CCDC57: variants seen among roughly 807,000 people sequenced by gnomAD.
CCDC57 encodes the protein coiled-coil domain-containing protein 57.
Under a neutral mutation model 118.9 loss-of-function variants are expected in CCDC57, and 118 were observed. The ratio of observed to expected loss-of-function variants is 0.99; its 90% CI spans 0.86 to 1.16. CCDC57 has a LOEUF of 1.16. CCDC57 is among the 50% of genes most tolerant of loss of function. The pLI, the probability that CCDC57 is intolerant of heterozygous loss-of-function variation, is 0.00. For synonymous variants in CCDC57, 527 were observed against 532.9 expected (o/e 0.99, Z 0.15); for missense variants, 1,300 against 1,320.7 (o/e 0.98, Z 0.24).
intron 19 of CCDC57, among the ~76,000 whole-genome samples, chr17:82,102,294 T>C (rs967140310): frequency 2.0e-5 from 3 of 152,158 alleles, no homozygotes; most frequent in African/African-American, 4.8e-5. Context: ...TGAGACACAT[T>C]GCCTGCCCCC....
chr17:82,127,581 T>C (rs2037659426), intron 19 of CCDC57, 111 bp downstream of exon 18: 1 of 1,460,246 alleles, frequency 6.8e-7, no homozygotes, highest in Non-Finnish European at 9.0e-7. Context: ...AGTGCAGGGA[T>C]TTCAGGGTGC....
rs759711817 is a variant in CCDC57 at position 82,184,027 on chromosome 17, G to GCACACACACACA, written c.1053-96_1053-95insTGTGTGTGTGTG. ...CCAGCAAATACACATGCGCGCGCGC[G>GCACACACACACA]CGCGCACACACACACACACACACAC... is the stretch of plus-strand genomic sequence containing the variant. On this transcript the variant is annotated intron_variant, in intron 8 of 19. Coordinates refer to ENST00000665763, the Ensembl canonical transcript of CCDC57. The GCACACACACACA allele has an allele frequency of 1.5e-3, 504 of 328,274 alleles. 2 individuals are homozygous for GCACACACACACA. The highest frequency in any genetic ancestry group is 3.7e-3 in the East Asian group (54 of 14,596). 20.3% of individuals were successfully genotyped at this position (328,274 alleles called of 1,614,324 possible).
intron 2 of CCDC57, among the ~76,000 whole-genome samples, chr17:82,202,672 C>T (rs1439522449): frequency 6.6e-6 from 1 of 152,084 alleles, no homozygotes; most frequent in Non-Finnish European, 1.5e-5. Context: ...ATCACTTGAA[C>T]CCAGGAAGTG....
At chr17:82,173,201 G>A (rs1411938664) in intron 11 of CCDC57, among the ~76,000 whole-genome samples, 1 of 152,182 alleles carries the variant, frequency 6.6e-6, no homozygotes, top group Non-Finnish European at 1.5e-5. Context: ...GAATGTTCTG[G>A]AGAGGGTGGT....
chr17:82,194,246 G>T, intron 5 of CCDC57, 107 bp from the exon 5 acceptor site: 2 of 1,142,186 alleles, frequency 1.8e-6, no homozygotes, highest in South Asian at 1.5e-5. Flanking sequence ...GAAGAAAAAT[G>T]AAAATTCAAG....
At chr17:82,189,367 C>T (rs11077981) in intron 7 of CCDC57, among the ~76,000 whole-genome samples, 72,356 of 151,894 alleles carry the variant, frequency 0.48, 18,014 homozygotes, top group East Asian at 0.88. Flanking sequence ...TTCTACTAAG[C>T]AGAGTGCTAT....
rs1337150872 is a variant in CCDC57 at position 82,192,011 on chromosome 17, A to T, written c.851+1745T>A. On this transcript the variant is annotated intron_variant, in intron 7 of 19. Transcript: ENST00000665763. This position sits in a 1 kb window ranked among gnomAD's most constrained non-coding sequence, Gnocchi z 4.0. Reference sequence around the variant, plus strand: ...ACTTTTTTTTTTTTTTTTGAAACAGAGTCTCACTCTGTCACCCAGGCTGGA... The same window carrying T: ...ACTTTTTTTTTTTTTTTTGAAACAGTGTCTCACTCTGTCACCCAGGCTGGA... 6.8e-6 allele frequency among the ~76,000 whole-genome samples: 1 copy of T among 146,524 alleles called. No individual in the cohort carries two copies. Among genetic ancestry groups the T allele is most frequent in the Non-Finnish European group, 1.5e-5 (1 of 66,962 alleles).
At chr17:82,140,773 C>T (rs569032508) in intron 16 of CCDC57, among the ~76,000 whole-genome samples, 10 of 152,262 alleles carry the variant, frequency 6.6e-5, no homozygotes, top group African/African-American at 9.6e-5. Flanking sequence ...CCCACATCCA[C>T]GAAGCCCTCC....
chr17:82,159,995 C>T (rs1214035359), intron 14 of CCDC57: 1 of 145,086 alleles, frequency 6.9e-6, no homozygotes, highest in African/African-American at 2.5e-5. Flanking sequence ...ATCAATCCAT[C>T]AAACATCTTA....
intron 1 of CCDC57, among the ~76,000 whole-genome samples, chr17:82,211,321 T>C (rs1274623932): frequency 6.6e-6 from 1 of 152,078 alleles, no homozygotes; most frequent in Non-Finnish European, 1.5e-5. Flanking sequence ...TATAAAATAG[T>C]GGACTCATCA....
rs547906578 is a variant in CCDC57 at position 82,208,081 on chromosome 17, C to T, written c.-210-33G>A. 5.3e-5 allele frequency: 8 copies of T among 152,220 alleles called. No individual in the cohort carries two copies. In the East Asian group the frequency reaches 1.5e-3, roughly 29 times the overall value. 9.4% of individuals were successfully genotyped at this position (152,220 alleles called of 1,614,324 possible). A position where few individuals can be genotyped will look rare whatever the true frequency, so the allele number is the denominator to read the frequency against. ...TAAAATACACATAAAATAAAATCTACTAAAAATACACAGAGAAGGGGTTTC... is the reference window on the plus strand; with the variant it reads ...TAAAATACACATAAAATAAAATCTATTAAAAATACACAGAGAAGGGGTTTC... On this transcript the variant is annotated intron_variant, in intron 1 of 19. Transcript: ENST00000665763.
At chr17:82,126,050 G>A (rs552197473) in intron 19 of CCDC57, among the ~76,000 whole-genome samples, 1 of 152,286 alleles carries the variant, frequency 6.6e-6, no homozygotes, top group Admixed American at 6.5e-5. Context: ...GGAGGCCGAG[G>A]TGGGCGGATC....
intron 9 of CCDC57, among the ~76,000 whole-genome samples, chr17:82,183,570 C>G (rs555209283): frequency 6.6e-6 from 1 of 152,118 alleles, no homozygotes; most frequent in Non-Finnish European, 1.5e-5. Flanking sequence ...TGGCCATGCT[C>G]CCTCCAGCAG....
intron 16 of CCDC57, among the ~76,000 whole-genome samples, chr17:82,150,589 G>T: frequency 3.8e-5 from 1 of 26,260 alleles, no homozygotes; most frequent in South Asian, 3.0e-3. Context: ...AACCTGACCC[G>T]CACCCAGAAC....
chr17:82,129,000 C>T (rs1720282090), intron 17 of CCDC57, among the ~76,000 whole-genome samples: 2 of 151,958 alleles, frequency 1.3e-5, no homozygotes, highest in Admixed American at 1.3e-4. Flanking sequence ...CTCACTGCAA[C>T]CTCCGCCTCC....
chr17:82,193,542 C>CA (rs1002057569), intron 7 of CCDC57, among the ~76,000 whole-genome samples: 476 of 110,176 alleles, frequency 4.3e-3, no homozygotes, highest in Non-Finnish European at 5.8e-3. Flanking sequence ...AAGACCCTGT[C>CA]AAAAAAAAAA....
chr17:82,151,711 C>G (rs2042089557), exon 16 of CCDC57: 1 of 1,550,348 alleles, frequency 6.5e-7, no homozygotes, highest in South Asian at 1.2e-5. Flanking sequence ...GTGCCACTGA[C>G]CGGAGGTGCA....
At chr17:82,157,984 G>A (rs147432414) in intron 14 of CCDC57, 36 bp from the exon 14 acceptor site, 12 of 1,537,440 alleles carry the variant, frequency 7.8e-6, no homozygotes, top group Non-Finnish European at 1.1e-5. Context: ...GAGGAATGAG[G>A]CAGTGGCTGG....
chr17:82,122,286 C>G (rs1166494503), intron 19 of CCDC57, among the ~76,000 whole-genome samples: 1 of 152,226 alleles, frequency 6.6e-6, no homozygotes, highest in African/African-American at 2.4e-5. Context: ...GGACCAGGGA[C>G]AGCCTCCCTG....
Sources: gnomAD v4.1 joint callset for allele counts (sites outside exome capture counted in the v4.1 genomes callset) on GRCh38, gnomAD v4.1.1 for gene constraint, Gnocchi (gnomAD v3.1) non-coding constraint, MANE v1.5 for transcripts, NCBI Gene and HGNC (gene_info 2026-07-23, HGNC 2026-07-21) for gene names.